Variants in UGT1A9 observed in about 807,000 individuals in gnomAD.
The protein encoded by UGT1A9 is UDP-glucuronosyltransferase 1A9.
In UGT1A9, 35 loss-of-function variants were observed where a neutral mutation model predicts 45.0. The observed-to-expected ratio is 0.78, with a 90% confidence interval of 0.59 to 1.03. The LOEUF is 1.03. Ranked by LOEUF, UGT1A9 falls within the 50% of genes least tolerant of loss-of-function variation. The pLI is 0.00. For missense variants in UGT1A9, 687 were observed against 666.6 expected, an observed-to-expected ratio of 1.03 and a Z score of -0.34; for synonymous variants, 278 against 250.6, an observed-to-expected ratio of 1.11 and a Z score of -1.03.
chr2:233,738,035 A>T (rs1181803416), intron 1 of UGT1A9, among the ~76,000 whole-genome samples: 1 of 151,816 alleles, frequency 6.6e-6, no homozygotes, highest in African/African-American at 2.4e-5. Flanking sequence ...CATAATCCCC[A>T]CGTGTTGAGG....
At chr2:233,688,190 C>T (rs10168155) in intron 1 of UGT1A9, among the ~76,000 whole-genome samples, 59,819 of 152,018 alleles carry the variant, frequency 0.39, 11,958 homozygotes, top group South Asian at 0.45. Context: ...CCTTTATGAC[C>T]GGCTTCTTTC....
Position 233,683,554 on chromosome 2 carries a change from T to G in UGT1A9, c.855+10765T>G, listed in dbSNP as rs574328995. Among the ~76,000 whole-genome samples the G allele has an allele frequency of 2.2e-3, 331 of 152,320 alleles. 2 individuals are homozygous for G. The highest frequency in any genetic ancestry group is 7.6e-3 in the African/African-American group (318 of 41,574). On this transcript the variant is annotated intron_variant, in intron 1 of 4. Transcript: ENST00000354728. Reference sequence around the variant, plus strand: ...TTTCACTAAATGAGTGAGATTGGCCTTCTTTTGCTATTACATCTTCCTACT... The same window carrying G: ...TTTCACTAAATGAGTGAGATTGGCCGTCTTTTGCTATTACATCTTCCTACT...
At chr2:233,687,962 A>G (rs2074871395) in intron 1 of UGT1A9, among the ~76,000 whole-genome samples, 1 of 152,230 alleles carries the variant, frequency 6.6e-6, no homozygotes, top group Non-Finnish European at 1.5e-5. Context: ...ATTGATATGT[A>G]ATTCATGTAT....
chr2:233,681,852 A>G, intron 1 of UGT1A9: 1 of 1,518,622 alleles, frequency 6.6e-7, no homozygotes, highest in Non-Finnish European at 8.8e-7. Context: ...CCTTCTTTTG[A>G]GGGCAGGTTC....
At chr2:233,715,779 TA>T (rs1348568984) in intron 1 of UGT1A9, among the ~76,000 whole-genome samples, 1 of 152,020 alleles carries the variant, frequency 6.6e-6, no homozygotes, top group Non-Finnish European at 1.5e-5. Context: ...CTCAAAAAAA[TA>T]AAAATTTATT....
At chr2:233,722,579 C>T (rs1172017514) in intron 1 of UGT1A9, among the ~76,000 whole-genome samples, 1 of 152,116 alleles carries the variant, frequency 6.6e-6, no homozygotes, top group Non-Finnish European at 1.5e-5. Context: ...TTTGCAACTT[C>T]GTTAGAGGAC....
intron 1 of UGT1A9, chr2:233,747,870 C>T (rs1693798797): frequency 1.2e-6 from 2 of 1,613,434 alleles, no homozygotes; most frequent in Non-Finnish European, 1.7e-6. Context: ...CCCTCTGGCC[C>T]TGTCCTACCT....
At chr2:233,674,784 C>G (rs2074295683) in intron 1 of UGT1A9, among the ~76,000 whole-genome samples, 1 of 152,110 alleles carries the variant, frequency 6.6e-6, no homozygotes, top group Non-Finnish European at 1.5e-5. Context: ...GCGGAGTTCT[C>G]ACAGAGGAAT....
chr2:233,691,085 A>G, intron 1 of UGT1A9: 1 of 986,138 alleles, frequency 1.0e-6, no homozygotes, highest in Non-Finnish European at 1.2e-6. Context: ...AGTTTGTAGC[A>G]TCTCTTGATC....
intron 1 of UGT1A9, among the ~76,000 whole-genome samples, chr2:233,721,302 G>A (rs541150498): frequency 1.8e-4 from 27 of 152,234 alleles, no homozygotes; most frequent in African/African-American, 6.5e-4. Flanking sequence ...CATTTGAATA[G>A]TGATTGTGGC....
At chr2:233,711,280 T>C (rs1376042082) in intron 1 of UGT1A9, among the ~76,000 whole-genome samples, 3 of 152,194 alleles carry the variant, frequency 2.0e-5, no homozygotes, top group Non-Finnish European at 4.4e-5. Flanking sequence ...CTAGGAGTCC[T>C]AGACGTGGGA....
intron 1 of UGT1A9, among the ~76,000 whole-genome samples, chr2:233,726,490 A>G (rs1018166677): frequency 6.6e-6 from 1 of 151,932 alleles, no homozygotes; most frequent in Non-Finnish European, 1.5e-5. Flanking sequence ...CTTTTTCCTT[A>G]TTAATTTTGG....
At position 233,734,617 on chromosome 2, in the gene UGT1A9, T is replaced by G. The variant is rs143652933; in HGVS notation, c.856-32417T>G. On this transcript the variant is annotated intron_variant, in intron 1 of 4. Coordinates refer to ENST00000354728, the MANE Select transcript of UGT1A9 (RefSeq NM_021027.3). ...TTATTTGTGATGTTAGTGTGTTGATTTTAGATCTTTCCTGCTTTCTCCTGT... is the reference window on the plus strand; with the variant it reads ...TTATTTGTGATGTTAGTGTGTTGATGTTAGATCTTTCCTGCTTTCTCCTGT... 1.1e-4 allele frequency among the ~76,000 whole-genome samples: 16 copies of G among 152,330 alleles called. No individual in the cohort carries two copies. The East Asian group carries it at 1.3e-3, about 13-fold the overall frequency.
intron 1 of UGT1A9, among the ~76,000 whole-genome samples, chr2:233,741,256 C>T (rs1347287188): frequency 6.6e-6 from 1 of 151,868 alleles, no homozygotes; most frequent in Non-Finnish European, 1.5e-5. Context: ...GTATGCCACT[C>T]TTTGCTGACC....
intron 1 of UGT1A9, chr2:233,729,464 G>T: frequency 6.2e-7 from 1 of 1,614,158 alleles, no homozygotes; most frequent in Non-Finnish European, 8.5e-7. Context: ...TTTTTCAGAA[G>T]TATGGCAATG....
At chr2:233,731,500 G>A (rs2078170361) in intron 1 of UGT1A9, among the ~76,000 whole-genome samples, 1 of 152,036 alleles carries the variant, frequency 6.6e-6, no homozygotes. Context: ...TGTTCTTGCT[G>A]TTCAGTTCCC....
At chr2:233,724,644 G>A (rs1189293479) in intron 1 of UGT1A9, among the ~76,000 whole-genome samples, 6 of 141,164 alleles carry the variant, frequency 4.3e-5, no homozygotes, top group Non-Finnish European at 7.7e-5. Flanking sequence ...ATGTGATGGC[G>A]GCTGGGAAGA....
intron 1 of UGT1A9, among the ~76,000 whole-genome samples, chr2:233,731,881 A>AC (rs1345442477): frequency 6.6e-6 from 1 of 152,198 alleles, no homozygotes; most frequent in Non-Finnish European, 1.5e-5. Flanking sequence ...CAATGGTTGA[A>AC]CTAATTTACA....
intron 1 of UGT1A9, chr2:233,742,915 T>C (rs558840772): frequency 5.4e-6 from 1 of 183,798 alleles, no homozygotes; most frequent in East Asian, 1.4e-4. Flanking sequence ...ATGCTCAAAG[T>C]GCTGAACTGA....
Sources: allele counts gnomAD v4.1 joint callset (sites outside exome capture counted in the v4.1 genomes callset), GRCh38; gene constraint gnomAD v4.1.1; transcripts MANE v1.5; gene names NCBI Gene and HGNC (gene_info 2026-07-23, HGNC 2026-07-21).